Variants in KCNC4 observed in about 807,000 individuals in gnomAD.
The protein encoded by KCNC4 is voltage-gated potassium channel KCNC4.
KCNC4 carries 23 observed loss-of-function variants against 42.8 expected under a neutral mutation model. That is an observed-to-expected ratio of 0.54 (90% confidence interval 0.39 to 0.76). The LOEUF (loss-of-function observed/expected upper bound fraction) is 0.76, where lower values mean the gene tolerates loss of function less well. Ranked by LOEUF, KCNC4 falls within the 30% of genes least tolerant of loss-of-function variation. The pLI is 0.00. For missense variants in KCNC4, 751 were observed against 898.2 expected, an observed-to-expected ratio of 0.84 and a Z score of 2.10; for synonymous variants, 422 against 393.5, an observed-to-expected ratio of 1.07 and a Z score of -0.86.
exon 4 of KCNC4, chr1:110,241,205 C>T (rs769014828): frequency 8.5e-5 from 13 of 152,230 alleles, no homozygotes; most frequent in Admixed American, 6.5e-4. Context: ...TTCTTTCCCA[C>T]CCCTGCCAGA....
At chr1:110,243,958 G>C (rs747835929) in exon 4 of KCNC4, 1 of 152,202 alleles carries the variant, frequency 6.6e-6, no homozygotes, top group Non-Finnish European at 1.5e-5. Flanking sequence ...ATTAGTCGGG[G>C]TTCTTTTTCC....
intron 1 of KCNC4, chr1:110,222,668 A>G: frequency 2.7e-6 from 1 of 375,542 alleles, no homozygotes. Flanking sequence ...AATGGGTCAG[A>G]GGTGGGCAGA....
intron 3 of KCNC4, among the ~76,000 whole-genome samples, chr1:110,227,597 C>G (rs890326895): frequency 1.3e-5 from 2 of 152,196 alleles, no homozygotes; most frequent in Admixed American, 1.3e-4. Flanking sequence ...CCTTCTCTCC[C>G]GCCGACCATC....
intron 1 of KCNC4, among the ~76,000 whole-genome samples, chr1:110,212,967 T>G (rs1360222354): frequency 1.3e-5 from 2 of 152,048 alleles, no homozygotes; most frequent in African/African-American, 4.8e-5. Flanking sequence ...GCCGCTTCTT[T>G]TCTTTCTGCT....
chr1:110,228,704 A>C (rs1571050930), intron 3 of KCNC4: 1 of 135,866 alleles, frequency 7.4e-6, no homozygotes, highest in Non-Finnish European at 1.6e-5. Flanking sequence ...CCTTAGCTGC[A>C]CCTTCCCCTC....
At chr1:110,237,398 C>T (rs1658929424), downstream of KCNC4, 1 of 152,144 alleles carries the variant, frequency 6.6e-6, no homozygotes, top group African/African-American at 2.4e-5. Flanking sequence ...CCACTTTCCT[C>T]CCCAGAGGTG....
chr1:110,210,770 C>T lies in KCNC4; in HGVS notation c.-730C>T, dbSNP rs1477748014. Among the ~76,000 whole-genome samples, 1 of 151,778 alleles carries T rather than the reference C, an allele frequency of 6.6e-6. No homozygotes were observed. The highest frequency in any genetic ancestry group is 1.9e-4 in the East Asian group (1 of 5,154). ...CCGCGGACGCAGGACCCGAGGCTCG[C>T]TCCTGCGGGCGCGCTTGTTTTCCAG... On this transcript the variant is annotated 5_prime_UTR_variant, in exon 1 of 4. Coordinates refer to ENST00000438661, the MANE Select transcript of KCNC4 (RefSeq NM_001039574.3).
intron 1 of KCNC4, among the ~76,000 whole-genome samples, chr1:110,268,813 C>T (rs1319832032): frequency 3.3e-5 from 5 of 150,376 alleles, no homozygotes; most frequent in Non-Finnish European, 7.4e-5. Flanking sequence ...CTGCAAGCTC[C>T]GCCTCCCGAG....
chr1:110,276,274 T>C (rs1214848498), intron 1 of KCNC4, among the ~76,000 whole-genome samples: 8 of 127,042 alleles, frequency 6.3e-5, no homozygotes, highest in Non-Finnish European at 6.4e-5. Context: ...TAAAAAAAGC[T>C]GCACTTATAT....
chr1:110,250,402 G>C (rs953790231), downstream of KCNC4, among the ~76,000 whole-genome samples: 3 of 152,136 alleles, frequency 2.0e-5, no homozygotes, highest in African/African-American at 7.2e-5. Context: ...CTCTTTGTAT[G>C]GCTTGCACCT....
intron 1 of KCNC4, among the ~76,000 whole-genome samples, chr1:110,268,330 G>A (rs921417725): frequency 4.6e-5 from 7 of 152,146 alleles, no homozygotes; most frequent in African/African-American, 1.4e-4. Context: ...AGCCTTGGCC[G>A]GGTACCGTGG....
chr1:110,232,892 C>T lies in KCNC4; in HGVS notation c.1820-19C>T, dbSNP rs1248607025. ...AAGCGTGCGTCCCAGTGTCTCACAC[C>T]TGTGCTCTTTAAACACAGAGACCTG... On this transcript the variant is annotated intron_variant, in intron 3 of 3. Coordinates refer to ENST00000438661, the MANE Select transcript of KCNC4 (RefSeq NM_001039574.3). The T allele has an allele frequency of 1.2e-5, 19 of 1,607,168 alleles. No homozygotes were observed. Among genetic ancestry groups the T allele is most frequent in the Non-Finnish European group, 1.4e-5 (16 of 1,176,940 alleles).
chr1:110,224,395 G>GGTAC (rs1658279769), intron 2 of KCNC4: 1 of 158,358 alleles, frequency 6.3e-6, no homozygotes, highest in Non-Finnish European at 1.4e-5. Context: ...GTTCTTCCAA[G>GGTAC]GTACATCAAC....
Position 110,232,935 on chromosome 1 carries a change from C to A in KCNC4, c.1844C>A (p.Ser615Tyr), listed in dbSNP as rs767115739. The A allele has an allele frequency of 1.2e-6, 2 of 1,612,078 alleles. No individual in the cohort carries two copies. The highest frequency in any genetic ancestry group is 2.2e-5 in the South Asian group (2 of 90,356). ...GAGACCTGCCAAGACGCCCTCTCGT[C>A]CAACTATGCCCAGGCTGAAGTCCTC... The part of the protein sequence containing the change: ...RKETCQDALS[S>Y]NYAQAEVLTL... The change falls in exon 4 of 4, where the codon TCC becomes TAC. Residue 615 changes from serine to tyrosine, a missense_variant. This residue lies in a region of KCNC4 where 202 missense variants were observed against 181.5 expected (regional missense o/e 1.11). Transcript: ENST00000438661.
chr1:110,215,460 TGGAGAATGGGGCCA>T (rs775505510), intron 1 of KCNC4, among the ~76,000 whole-genome samples: 22 of 152,332 alleles, frequency 1.4e-4, no homozygotes, highest in Non-Finnish European at 2.4e-4. Context: ...ACAAGAGGCC[TGGAGAATGGGGCCA>T]GGATGCCCTT....
chr1:110,275,782 C>T (rs1659708892), intron 1 of KCNC4, among the ~76,000 whole-genome samples: 1 of 151,796 alleles, frequency 6.6e-6, no homozygotes, highest in Admixed American at 6.6e-5. Context: ...CACAGTGAAA[C>T]CCCGTCTCTA....
chr1:110,223,010 C>G lies in KCNC4; in HGVS notation c.725C>G (p.Thr242Ser). 1 of 1,614,198 alleles carries G rather than the reference C, an allele frequency of 6.2e-7. No individual in the cohort carries two copies. The highest frequency in any genetic ancestry group is 8.5e-7 in the Non-Finnish European group (1 of 1,180,024). Residue 242 changes from threonine (T) to serine (S), a missense_variant, in exon 2 of 4, where the codon ACT becomes AGT. Coordinates refer to ENST00000438661, the MANE Select transcript of KCNC4 (RefSeq NM_001039574.3). The surrounding 1 kb of genome is among the most constrained non-coding windows in gnomAD (Gnocchi z 7.5). ...TTCTTCATCCTGGTCTCCATCACCA[C>G]TTTCTGCCTGGAGACCCATGAGGCC... ...SLFFILVSITTFCLETHEAFN... is the reference protein window; with the variant it reads ...SLFFILVSITSFCLETHEAFN...
intron 1 of KCNC4, among the ~76,000 whole-genome samples, chr1:110,265,465 CT>C (rs1446914023): frequency 2.0e-5 from 3 of 151,966 alleles, no homozygotes; most frequent in African/African-American, 7.2e-5. Context: ...AGGTTTTAGG[CT>C]GCTAGAAGAG....
In KCNC4 at chr1:110,232,262, G is replaced by C. The variant is rs772338469; in HGVS notation, c.1820-649G>C. On this transcript the variant is annotated intron_variant, in intron 3 of 3. Coordinates refer to ENST00000438661, the MANE Select transcript of KCNC4 (RefSeq NM_001039574.3). ...TGACCTTCCCCTTCAGCATTCACCT[G>C]AGGCTGCATGCCCTCCAACTGCTGG... is the stretch of plus-strand genomic sequence containing the variant. The C allele has an allele frequency of 2.2e-5, 36 of 1,613,840 alleles. No individual in the cohort carries two copies. The highest frequency in any genetic ancestry group is 2.9e-5 in the Non-Finnish European group (34 of 1,179,924).
Sources: gnomAD v4.1 joint callset for allele counts (sites outside exome capture counted in the v4.1 genomes callset) on GRCh38, gnomAD v4.1.1 for gene constraint, gnomAD v4.1.1 regional missense constraint, Gnocchi (gnomAD v3.1) non-coding constraint, MANE v1.5 for transcripts, NCBI Gene and HGNC (gene_info 2026-07-23, HGNC 2026-07-21) for gene names.